The following CYP2E1 variants were observed in gnomAD, a reference collection of about 807,000 sequenced individuals.
CYP2E1 encodes cytochrome P450 2E1.
CYP2E1 carries 31 observed loss-of-function variants against 42.9 expected under a neutral mutation model. That is an observed-to-expected ratio of 0.72 (90% confidence interval 0.54 to 0.98). The LOEUF (loss-of-function observed/expected upper bound fraction) is 0.98. CYP2E1 is among the 50% of genes least tolerant of loss of function. The pLI is 0.00. For synonymous variants in CYP2E1, 244 were observed against 248.9 expected (o/e 0.98, Z 0.19); for missense variants, 565 against 633.2 (o/e 0.89, Z 1.16).
At chr10:133,536,533 A>ATAGATGGG in intron 6 of CYP2E1, among the ~76,000 whole-genome samples, 1 of 29,540 alleles carries the variant, frequency 3.4e-5, no homozygotes, top group South Asian at 1.7e-3. Flanking sequence ...GGTTGGATGT[A>ATAGATGGG]TAGATGGGTG....
intron 4 of CYP2E1, 150 bp downstream of exon 4, chr10:133,532,434 T>C: frequency 1.2e-6 from 1 of 841,100 alleles, no homozygotes; most frequent in Non-Finnish European, 1.8e-6. Flanking sequence ...CAAATATTCC[T>C]CCCAGAGACA....
At chr10:133,531,776 C>G (rs779085327) in intron 3 of CYP2E1, 42 bp downstream of exon 3, 13 of 1,540,442 alleles carry the variant, frequency 8.4e-6, no homozygotes, top group Non-Finnish European at 1.0e-5. Flanking sequence ...CTCTTGCAGA[C>G]CAGCGGTGTG....
intron 2 of CYP2E1, among the ~76,000 whole-genome samples, chr10:133,531,376 C>A (rs1349628617): frequency 6.6e-6 from 1 of 152,082 alleles, no homozygotes; most frequent in African/African-American, 2.4e-5. Context: ...ACTGTGAGGA[C>A]CCCAGAAAGG....
rs761921132 is a variant in CYP2E1, at chr10:133,537,904, C to T, written c.1297+12C>T. On this transcript the variant is annotated intron_variant, in intron 8 of 8. Coordinates refer to ENST00000252945, the MANE Select transcript of CYP2E1 (RefSeq NM_000773.4). ...GCCATTTTCCACAGGTGAGAAAGAT[C>T]AGAGGCAGTACCTTCCCTTGAGGAG... 6.2e-7 allele frequency: 1 copy of T among 1,611,854 alleles called. No homozygotes were observed. The highest frequency in any genetic ancestry group is 8.5e-7 in the Non-Finnish European group (1 of 1,178,764).
In CYP2E1 at chr10:133,532,769, A is replaced by G; in HGVS notation, c.726A>G (p.Val242=). The part of the protein sequence containing the change: ...HRKVIKNVAE[V]KEYVSERVKE... ...AAGTCATAAAAAATGTGGCTGAAGT[A>G]AAAGAGTATGTGTCTGAAAGGGTGA... The change falls in exon 5 of 9, where the codon GTA becomes GTG. Residue 242 remains valine (V), a synonymous_variant. Transcript: ENST00000252945. The G allele has an allele frequency of 3.1e-6, 5 of 1,613,652 alleles. No individual in the cohort carries two copies. Among genetic ancestry groups the G allele is most frequent in the Admixed American group, 3.3e-5 (2 of 60,004 alleles).
At chr10:133,535,094 TG>T (rs1300153576) in intron 6 of CYP2E1, among the ~76,000 whole-genome samples, 1 of 152,012 alleles carries the variant, frequency 6.6e-6, no homozygotes, top group African/African-American at 2.4e-5. Flanking sequence ...CCTGGCACTT[TG>T]GGAGGCTGAG....
intron 3 of CYP2E1, 101 bp from the exon 4 acceptor site, chr10:133,532,023 G>A (rs997336977): frequency 3.6e-6 from 4 of 1,126,702 alleles, no homozygotes; most frequent in East Asian, 2.4e-5. Flanking sequence ...AGTTTTCAGG[G>A]CACCTTCTCA....
chr10:133,528,217 A>AGTCCGCGGAGTTGCCGCGGAGTT (rs551397455), intron 1 of CYP2E1: 59 of 396,690 alleles, frequency 1.5e-4, no homozygotes, highest in African/African-American at 1.0e-3. Flanking sequence ...GAGGAGCCGG[A>AGTCCGCGGAGTTGCCGCGGAGTT]GTCCGCGGAG....
rs1390074994 is a variant in CYP2E1, at chr10:133,532,833, G to C, written c.790G>C (p.Asp264His). 1 of 1,610,898 alleles carries C rather than the reference G, an allele frequency of 6.2e-7. No homozygotes were observed. Residue 264 changes from aspartate to histidine, a missense_variant, in exon 5 of 9, where the codon GAC becomes CAC. Coordinates refer to ENST00000252945, the MANE Select transcript of CYP2E1 (RefSeq NM_000773.4). ...HQSLDPNCPRDLTDCLLVEME... is the reference protein window; with the variant it reads ...HQSLDPNCPRHLTDCLLVEME... ...ATCTCTGGACCCCAACTGTCCCCGG[G>C]ACCTCACCGACTGCCTGCTCGTGGA...
chr10:133,528,547 G>A lies in CYP2E1; in HGVS notation c.244G>A (p.Gly82Ser), dbSNP rs755735655. The change falls in exon 2 of 9, where the codon GGC becomes AGC. Residue 82 changes from glycine (G) to serine (S), a missense_variant. Gly to Ser is a moderately conservative substitution (Grantham distance 56, BLOSUM62 0). Transcript: ENST00000252945. ...VGSQRMVVMHGYKAVKEALLD... is the reference protein window; with the variant it reads ...VGSQRMVVMHSYKAVKEALLD... The stretch of plus-strand genomic sequence containing the variant: ...CTCGCAGCGCATGGTGGTGATGCAC[G>A]GCTACAAGGCGGTGAAGGAAGCGCT... 4 of 1,613,398 alleles carry A rather than the reference G, an allele frequency of 2.5e-6. No individual in the cohort carries two copies. The highest frequency in any genetic ancestry group is 2.2e-5 in the South Asian group (2 of 91,080).
chr10:133,538,359 C>G (rs1388655758), intron 8 of CYP2E1, among the ~76,000 whole-genome samples: 1 of 152,126 alleles, frequency 6.6e-6, no homozygotes, highest in African/African-American at 2.4e-5. Flanking sequence ...TTCCCAGGGC[C>G]TCATCTTAGG....
intron 1 of CYP2E1, chr10:133,527,998 C>T (rs1334724787): frequency 4.5e-6 from 1 of 220,524 alleles, no homozygotes; most frequent in Non-Finnish European, 9.0e-6. Context: ...GCCAACAAAC[C>T]TAAACGTTAA....
At chr10:133,533,941 C>T (rs1479563923) in intron 6 of CYP2E1, 44 bp downstream of exon 6, 2 of 1,605,412 alleles carry the variant, frequency 1.2e-6, no homozygotes, top group East Asian at 4.5e-5. Flanking sequence ...GGCTGCATCT[C>T]CCTGGATGGC....
Position 133,533,762 on chromosome 10 carries a change from C to G in CYP2E1, c.832C>G (p.His278Asp). The change falls in exon 6 of 9, where the codon CAC becomes GAC. Residue 278 changes from histidine (H) to aspartate (D), a missense_variant. Transcript: ENST00000252945. Reference sequence around the variant, plus strand: ...TCTGTCTCCGGTATCACAGGAAAAGCACAGTGCAGAGCGCTTGTACACAAT... The same window carrying G: ...TCTGTCTCCGGTATCACAGGAAAAGGACAGTGCAGAGCGCTTGTACACAAT... The part of the protein sequence containing the change: ...CLLVEMEKEK[H>D]SAERLYTMDG... The G allele has an allele frequency of 6.2e-7, 1 of 1,614,036 alleles. No individual in the cohort carries two copies. Among genetic ancestry groups the G allele is most frequent in the Non-Finnish European group, 8.5e-7 (1 of 1,179,964 alleles).
chr10:133,528,449 C>T (rs753039030), intron 1 of CYP2E1, 32 bp from the exon 2 acceptor site: 3 of 1,607,808 alleles, frequency 1.9e-6, no homozygotes, highest in African/African-American at 1.3e-5. Context: ...CGCCGCGCGG[C>T]GGGCCTGACT....
At position 133,532,777 on chromosome 10, in the gene CYP2E1, A is replaced by G; in HGVS notation, c.734A>G (p.Tyr245Cys). ...AAAAATGTGGCTGAAGTAAAAGAGT[A>G]TGTGTCTGAAAGGGTGAAGGAGCAC... Reference protein sequence around the residue: ...VIKNVAEVKEYVSERVKEHHQ... With the variant: ...VIKNVAEVKECVSERVKEHHQ... Residue 245 changes from tyrosine to cysteine, a missense_variant, in exon 5 of 9, where the codon TAT becomes TGT. By Grantham distance (194) the Tyr-to-Cys change is radical. Transcript: ENST00000252945. 2 of 1,613,656 alleles carry G rather than the reference A, an allele frequency of 1.2e-6. No individual in the cohort carries two copies. The highest frequency in any genetic ancestry group is 1.7e-6 in the Non-Finnish European group (2 of 1,179,810).
In CYP2E1 at chr10:133,528,465, C is replaced by T. The variant is rs770549263; in HGVS notation, c.178-16C>T. Reference sequence around the variant, plus strand: ...GCCGCGCGGCGGGCCTGACTTCTAGCCACGGGTCTCCGCAGTTGGCCCAGC... The same window carrying T: ...GCCGCGCGGCGGGCCTGACTTCTAGTCACGGGTCTCCGCAGTTGGCCCAGC... On this transcript the variant is annotated splice_polypyrimidine_tract_variant and intron_variant, in intron 1 of 8. Coordinates refer to ENST00000252945, the MANE Select transcript of CYP2E1 (RefSeq NM_000773.4). 1 of 1,611,482 alleles carries T rather than the reference C, an allele frequency of 6.2e-7. No homozygotes were observed. The highest frequency in any genetic ancestry group is 8.5e-7 in the Non-Finnish European group (1 of 1,179,080).
At position 133,537,504 on chromosome 10, in the gene CYP2E1, A is replaced by C. The variant is rs1851419988; in HGVS notation, c.1156-247A>C. ...GTGCCTGGGACTGTAGTGAATTCTA[A>C]TGCCAGGAACAAACTATCACAACCA... is the stretch of plus-strand genomic sequence containing the variant. On this transcript the variant is annotated intron_variant, in intron 7 of 8. Transcript: ENST00000252945. 1.3e-5 allele frequency: 8 copies of C among 596,592 alleles called. No homozygotes were observed. The East Asian group carries it at 2.2e-4, about 17-fold the overall frequency. 37.0% of individuals were successfully genotyped at this position (596,592 alleles called of 1,614,324 possible).
intron 8 of CYP2E1, 143 bp downstream of exon 8, chr10:133,538,035 C>T: frequency 1.4e-6 from 1 of 711,470 alleles, no homozygotes; most frequent in Non-Finnish European, 2.3e-6. Context: ...GACAACATGA[C>T]CCAAATGTGC....
Sources: gnomAD v4.1 joint callset for allele counts (sites outside exome capture counted in the v4.1 genomes callset) on GRCh38, gnomAD v4.1.1 for gene constraint, MANE v1.5 for transcripts, NCBI Gene and HGNC (gene_info 2026-07-23, HGNC 2026-07-21) for gene names.